ATP9A: variants seen among roughly 807,000 people sequenced by gnomAD.
ATP9A encodes ATPase phospholipid transporting 9A.
Under a neutral mutation model 144.1 loss-of-function variants are expected in ATP9A, and 52 were observed. That is an observed-to-expected ratio of 0.36 (90% CI 0.29 to 0.45). The LOEUF is 0.45. Among genes scored for constraint, ATP9A ranks in the 20% least tolerant of loss-of-function variants. The probability of loss-of-function intolerance (pLI) is 1.00; values close to 1 mark genes in which losing one functional copy is unlikely to be tolerated. For missense variants in ATP9A, 947 were observed against 1,392.7 expected (o/e 0.68, Z 5.09); for synonymous variants, 582 against 557.4 (o/e 1.04, Z -0.62).
intron 14 of ATP9A, among the ~76,000 whole-genome samples, chr20:51,640,110 T>C (rs1470587937): frequency 4.0e-5 from 6 of 148,156 alleles, no homozygotes; most frequent in African/African-American, 1.5e-4. Flanking sequence ...CCACCCCCAC[T>C]CCGAAAAAAG....
intron 14 of ATP9A, among the ~76,000 whole-genome samples, chr20:51,642,726 CAAAAAAAAAAAAAAAAAAAAA>C (rs778440862): frequency 1.6e-4 from 5 of 31,108 alleles, no homozygotes; most frequent in Admixed American, 4.7e-4. Flanking sequence ...ACTCTGTCTC[CAAAAAAAAAAAAAAAAAAAAA>C]AAAAAAAAAA....
chr20:51,657,017 T>C lies in ATP9A; in HGVS notation c.1427A>G (p.Asn476Ser), dbSNP rs770573544. 5.0e-6 allele frequency: 8 copies of C among 1,614,120 alleles called. No homozygotes were observed. The highest frequency in any genetic ancestry group is 2.2e-5 in the East Asian group (1 of 44,896). The change falls in exon 14 of 28, where the codon AAC becomes AGC. Residue 476 changes from asparagine (N) to serine (S), a missense_variant. By Grantham distance (46) the Asn-to-Ser change is conservative. This residue lies in a region of ATP9A where 770 missense variants were observed against 1,047.9 expected (regional missense o/e 0.73). Transcript: ENST00000338821. Reference protein sequence around the residue: ...CHNVTPVYESNGVTDQAEAEK... With the variant: ...CHNVTPVYESSGVTDQAEAEK... ...GGCCTCAGCCTGATCAGTCACACCG[T>C]TGGACTCATACACGGGAGTCACGTT...
chr20:51,614,284 T>G (rs1360617145), intron 22 of ATP9A, among the ~76,000 whole-genome samples: 1 of 152,100 alleles, frequency 6.6e-6, no homozygotes, highest in East Asian at 1.9e-4. Flanking sequence ...AATGGAATTC[T>G]CTCATTTTGT....
At chr20:51,750,746 G>A (rs1257514156) in intron 1 of ATP9A, among the ~76,000 whole-genome samples, 4 of 152,148 alleles carry the variant, frequency 2.6e-5, no homozygotes, top group African/African-American at 9.7e-5. Context: ...GCTGACCCCG[G>A]AGCCAGCCCT....
chr20:51,694,504 G>C (rs565600931), intron 6 of ATP9A, among the ~76,000 whole-genome samples: 69 of 152,174 alleles, frequency 4.5e-4, no homozygotes, highest in African/African-American at 1.6e-3. Context: ...AACCACCTGA[G>C]TGCAGGTCCA....
intron 3 of ATP9A, among the ~76,000 whole-genome samples, chr20:51,725,438 G>C (rs545924183): frequency 6.6e-6 from 1 of 152,088 alleles, no homozygotes; most frequent in East Asian, 1.9e-4. Flanking sequence ...TAGACCATTT[G>C]AGATTTTGGA....
intron 2 of ATP9A, among the ~76,000 whole-genome samples, chr20:51,729,161 G>C (rs1021038063): frequency 6.6e-6 from 1 of 152,184 alleles, no homozygotes; most frequent in South Asian, 2.1e-4. Flanking sequence ...CATGTGTCAT[G>C]ATGGGGGGAA....
At chr20:51,712,267 G>T (rs1255475739) in intron 4 of ATP9A, among the ~76,000 whole-genome samples, 1 of 152,020 alleles carries the variant, frequency 6.6e-6, no homozygotes, top group African/African-American at 2.4e-5. Context: ...GTAGAGACAG[G>T]GTTTCACCAT....
In ATP9A at chr20:51,598,772, T is replaced by C. The variant is rs1214413892; in HGVS notation, c.*2439A>G. On this transcript the variant is annotated 3_prime_UTR_variant, in exon 28 of 28. Transcript: ENST00000338821. ...GTGTCTGAGAAGCACGGTGTGTGCA[T>C]TCCTAGGTGTTCAGGGACCGTCCAG... The C allele has an allele frequency of 6.6e-6, 1 of 152,292 alleles. No homozygotes were observed. Among genetic ancestry groups the C allele is most frequent in the Non-Finnish European group, 1.5e-5 (1 of 68,074 alleles). 9.4% of individuals were successfully genotyped at this position (152,292 alleles called of 1,614,324 possible).
intron 14 of ATP9A, among the ~76,000 whole-genome samples, chr20:51,644,278 T>TTC (rs1568800316): frequency 3.5e-5 from 5 of 144,196 alleles, no homozygotes; most frequent in Non-Finnish European, 6.1e-5. Context: ...TTTTTTTTTT[T>TTC]TTTTTTTTTT....
chr20:51,601,033 C>A lies in ATP9A; in HGVS notation c.*178G>T. On this transcript the variant is annotated 3_prime_UTR_variant, in exon 28 of 28. Coordinates refer to ENST00000338821, the MANE Select transcript of ATP9A (RefSeq NM_006045.3). The stretch of plus-strand genomic sequence containing the variant: ...GGCCCAGATGGGTCTCTTTCAGGAC[C>A]CTCCCTCCCGTTGATGCAGCGTTAG... 1.5e-6 allele frequency: 1 copy of A among 672,734 alleles called. No homozygotes were observed. Among genetic ancestry groups the A allele is most frequent in the South Asian group, 3.4e-5 (1 of 29,638 alleles). 41.7% of individuals were successfully genotyped at this position (672,734 alleles called of 1,614,324 possible). A position where few individuals can be genotyped will look rare whatever the true frequency, so the allele number is the denominator to read the frequency against.
chr20:51,698,807 C>T (rs73911373), intron 4 of ATP9A, among the ~76,000 whole-genome samples: 10,815 of 152,210 alleles, frequency 0.071, 638 homozygotes, highest in African/African-American at 0.16. Flanking sequence ...AAGGCTAGAA[C>T]TCCTTCAGCA....
intron 13 of ATP9A, among the ~76,000 whole-genome samples, chr20:51,657,796 C>T (rs2122770596): frequency 6.6e-6 from 1 of 152,330 alleles, no homozygotes; most frequent in South Asian, 2.1e-4. Context: ...CAGGAACAGC[C>T]AGAGGAAACC....
intron 1 of ATP9A, among the ~76,000 whole-genome samples, chr20:51,764,957 G>C (rs1297235189): frequency 6.6e-6 from 1 of 152,116 alleles, no homozygotes; most frequent in African/African-American, 2.4e-5. Context: ...CTGACCTCGA[G>C]TGATCCGCCC....
At chr20:51,621,980 C>A (rs1158441654) in intron 19 of ATP9A, 94 bp downstream of exon 19, 1 of 1,084,218 alleles carries the variant, frequency 9.2e-7, no homozygotes, top group Non-Finnish European at 1.4e-6. Flanking sequence ...TCACATGCTG[C>A]CCCTCCCTTC....
At chr20:51,746,257 C>A (rs1455361260) in intron 1 of ATP9A, among the ~76,000 whole-genome samples, 1 of 152,154 alleles carries the variant, frequency 6.6e-6, no homozygotes, top group Non-Finnish European at 1.5e-5. Context: ...TACAGCAAAC[C>A]CCGGTGACAT....
chr20:51,755,171 C>T (rs1234593637), intron 1 of ATP9A, among the ~76,000 whole-genome samples: 2 of 151,902 alleles, frequency 1.3e-5, no homozygotes, highest in Non-Finnish European at 2.9e-5. Flanking sequence ...GGCGTGATGG[C>T]TCACGCCTGT....
At chr20:51,737,445 AT>A (rs1301015429) in intron 1 of ATP9A, among the ~76,000 whole-genome samples, 1 of 152,164 alleles carries the variant, frequency 6.6e-6, no homozygotes, top group African/African-American at 2.4e-5. Flanking sequence ...TCCTTTGCTA[AT>A]TACACAGATT....
In ATP9A at chr20:51,668,096, G is replaced by C. The variant is rs1339581625; in HGVS notation, c.1293+1901C>G. On this transcript the variant is annotated intron_variant, in intron 13 of 27. Transcript: ENST00000338821. ...AAGAAGGAAGGGAGGTGGGGGGGGG[G>C]GGGGGCGGAAGGGCTGGGAGTGGGC... Among the ~76,000 whole-genome samples the C allele has an allele frequency of 4.7e-5, 2 of 42,522 alleles. 1 individual carries two copies. Among genetic ancestry groups the C allele is most frequent in the Admixed American group, 5.3e-4 (2 of 3,764 alleles). 27.9% of individuals were successfully genotyped at this position (42,522 alleles called of 152,430 possible).
Sources: allele counts gnomAD v4.1 joint callset (sites outside exome capture counted in the v4.1 genomes callset), GRCh38; gene constraint gnomAD v4.1.1; regional missense constraint gnomAD v4.1.1; transcripts MANE v1.5; gene names NCBI Gene and HGNC (gene_info 2026-07-23, HGNC 2026-07-21).